The following AKTIP variants were observed in gnomAD, a reference collection of about 807,000 sequenced individuals.
The protein encoded by AKTIP is AKT-interacting protein.
A neutral mutation model predicts 39.1 loss-of-function variants in AKTIP; 16 were observed. The observed-to-expected ratio is 0.41, with a 90% CI of 0.28 to 0.62. The LOEUF (loss-of-function observed/expected upper bound fraction) is 0.62. Among genes scored for constraint, AKTIP ranks in the 20% least tolerant of loss-of-function variants. The probability of loss-of-function intolerance (pLI) is 0.32; values close to 1 mark genes in which losing one functional copy is unlikely to be tolerated. For missense variants in AKTIP, 262 were observed against 356.6 expected (o/e 0.73, Z 2.14); for synonymous variants, 93 against 124.3 (o/e 0.75, Z 1.67).
At chr16:53,503,274 GCC>G (rs1962303853), upstream of AKTIP, 1 of 81,520 alleles carries the variant, frequency 1.2e-5, no homozygotes, top group South Asian at 3.8e-4. Context: ...GCCCTGCCCT[GCC>G]CTGCCCTCGG....
chr16:53,494,851 G>A (rs776613116), intron 5 of AKTIP: 32 of 722,454 alleles, frequency 4.4e-5, no homozygotes, highest in Non-Finnish European at 7.0e-5. Flanking sequence ...GGTGAGTGCT[G>A]CAGGATGGCA....
chr16:53,494,036 T>C, intron 8 of AKTIP, 102 bp downstream of exon 8: 1 of 863,574 alleles, frequency 1.2e-6, no homozygotes, highest in South Asian at 1.4e-5. Context: ...TAACAGCTTA[T>C]GCATGTGCCT....
At chr16:53,499,254 T>C (rs1962022101) in intron 2 of AKTIP, among the ~76,000 whole-genome samples, 2 of 152,200 alleles carry the variant, frequency 1.3e-5, no homozygotes, top group Non-Finnish European at 2.9e-5. Flanking sequence ...TTTAATTAGC[T>C]ATATAAAAAC....
At chr16:53,494,890 G>T in intron 5 of AKTIP, 183 bp downstream of exon 5, 1 of 745,556 alleles carries the variant, frequency 1.3e-6, no homozygotes. Flanking sequence ...CAGACCCTGA[G>T]CAGAGAAACA....
rs1961568620 is a variant in AKTIP, at chr16:53,492,765, G to GAAAAGTATTTA, written c.711-23_711-13dup. The GAAAAGTATTTA allele has an allele frequency of 6.2e-7, 1 of 1,611,332 alleles. No individual in the cohort carries two copies. Among genetic ancestry groups the GAAAAGTATTTA allele is most frequent in the African/African-American group, 1.3e-5 (1 of 74,780 alleles). ...TCCATGGAGAAAAGCTTAAGGAAGA[G>GAAAAGTATTTA]AAAAGTATTTAAAAACTATTTGTTG... On this transcript the variant is annotated splice_polypyrimidine_tract_variant and intron_variant, in intron 8 of 9. Coordinates refer to ENST00000394657, the MANE Select transcript of AKTIP (RefSeq NM_022476.4).
chr16:53,503,997 G>A (rs917094257), upstream of AKTIP, among the ~76,000 whole-genome samples: 2 of 152,130 alleles, frequency 1.3e-5, no homozygotes, highest in African/African-American at 4.8e-5. Context: ...GGGAGGCTGA[G>A]GACCAGGAAT....
chr16:53,493,998 T>C (rs1452477853), intron 8 of AKTIP, 140 bp downstream of exon 8: 2 of 636,742 alleles, frequency 3.1e-6, no homozygotes, highest in East Asian at 2.7e-5. Flanking sequence ...AGAAATCGAG[T>C]TGGCACCAAG....
chr16:53,492,756 T>A lies in AKTIP; in HGVS notation c.711-3A>T. 1.2e-6 allele frequency: 2 copies of A among 1,613,054 alleles called. No individual in the cohort carries two copies. The highest frequency in any genetic ancestry group is 1.3e-5 in the African/African-American group (1 of 75,006). On this transcript the variant is annotated splice_polypyrimidine_tract_variant and splice_region_variant and intron_variant, in intron 8 of 9. Transcript: ENST00000394657. Reference sequence around the variant, plus strand: ...CAGAAGGATTCCATGGAGAAAAGCTTAAGGAAGAGAAAAGTATTTAAAAAC... The same window carrying A: ...CAGAAGGATTCCATGGAGAAAAGCTAAAGGAAGAGAAAAGTATTTAAAAAC...
intron 1 of AKTIP, among the ~76,000 whole-genome samples, chr16:53,502,010 A>G (rs910209097): frequency 6.6e-6 from 1 of 152,154 alleles, no homozygotes; most frequent in African/African-American, 2.4e-5. Flanking sequence ...GACACACCTA[A>G]CACGGGACCG....
rs183057263 is a variant in AKTIP, at chr16:53,494,468, C to T, written c.504-31G>A. On this transcript the variant is annotated intron_variant, in intron 6 of 9. Coordinates refer to ENST00000394657, the MANE Select transcript of AKTIP (RefSeq NM_022476.4). ...GGGAAACATGGCGTGATTACCGAGG[C>T]GTCCTCTTGCTGTATTATGTCACTA... 2,116 of 1,613,348 alleles carry T rather than the reference C, an allele frequency of 1.3e-3. 34 individuals carry two copies. The highest frequency in any genetic ancestry group is 3.3e-4 in the South Asian group (30 of 91,072).
Position 53,500,204 on chromosome 16 carries a change from T to A in AKTIP, c.42+14A>T, listed in dbSNP as rs1188954256. The stretch of plus-strand genomic sequence containing the variant: ...CAAATGGGTTTTCTTACTGAATTTA[T>A]CAACTATACCTACTTTGCGTACAGA... On this transcript the variant is annotated intron_variant, in intron 2 of 9. Coordinates refer to ENST00000394657, the MANE Select transcript of AKTIP (RefSeq NM_022476.4). The A allele has an allele frequency of 6.3e-7, 1 of 1,593,310 alleles. No homozygotes were observed.
At chr16:53,497,884 G>A (rs1241288723) in intron 3 of AKTIP, among the ~76,000 whole-genome samples, 1 of 152,190 alleles carries the variant, frequency 6.6e-6, no homozygotes, top group Non-Finnish European at 1.5e-5. Flanking sequence ...GAGTAGCTGG[G>A]ATTACAGGCG....
At chr16:53,494,669 GA>G in intron 5 of AKTIP, 64 bp from the exon 6 acceptor site, 1 of 1,487,402 alleles carries the variant, frequency 6.7e-7, no homozygotes, top group Non-Finnish European at 9.2e-7. Context: ...AGACCCATAG[GA>G]ATCGTGATAA....
chr16:53,492,530 C>T lies in AKTIP; in HGVS notation c.772-11G>A. On this transcript the variant is annotated splice_polypyrimidine_tract_variant and intron_variant, in intron 9 of 9. Transcript: ENST00000394657. The stretch of plus-strand genomic sequence containing the variant: ...CTGTTCTTCAGGCTTCTTCTAGGCA[C>T]AATCAAAACAGATATTTAAAAAATT... The T allele has an allele frequency of 6.8e-6, 11 of 1,613,684 alleles. No homozygotes were observed. Among genetic ancestry groups the T allele is most frequent in the Non-Finnish European group, 7.6e-6 (9 of 1,179,650 alleles).
At chr16:53,495,532 G>C (rs1567757942) in intron 3 of AKTIP, among the ~76,000 whole-genome samples, 1 of 152,188 alleles carries the variant, frequency 6.6e-6, no homozygotes, top group Non-Finnish European at 1.5e-5. Flanking sequence ...TGGCCTCATA[G>C]CAGCAGCTCA....
chr16:53,503,114 G>A, intron 1 of AKTIP, 33 bp downstream of exon 1: 1 of 152,572 alleles, frequency 6.6e-6, no homozygotes, highest in Non-Finnish European at 1.5e-5. Context: ...CAGCCCTCGC[G>A]TACCCACCAG....
At chr16:53,494,117 C>T (rs1310047671) in intron 8 of AKTIP, 21 bp downstream of exon 8, 1 of 1,569,680 alleles carries the variant, frequency 6.4e-7, no homozygotes, top group East Asian at 2.2e-5. Flanking sequence ...GGACAGTTCA[C>T]TTGGGGGATG....
intron 3 of AKTIP, among the ~76,000 whole-genome samples, chr16:53,497,058 A>G (rs959965198): frequency 1.3e-5 from 2 of 152,184 alleles, no homozygotes; most frequent in African/African-American, 4.8e-5. Flanking sequence ...CAGTCTCCCA[A>G]GTAGCTGGGA....
chr16:53,497,433 T>G (rs1375199497), intron 3 of AKTIP, among the ~76,000 whole-genome samples: 1 of 152,240 alleles, frequency 6.6e-6, no homozygotes. Context: ...AGATCCTTCC[T>G]TGTGACAGAC....
Sources: allele counts gnomAD v4.1 joint callset (sites outside exome capture counted in the v4.1 genomes callset), GRCh38; gene constraint gnomAD v4.1.1; transcripts MANE v1.5; gene names NCBI Gene and HGNC (gene_info 2026-07-23, HGNC 2026-07-21).